Variants in PLPP4 observed in about 807,000 individuals in gnomAD.
PLPP4 encodes the protein phospholipid phosphatase 4, also known as diacylglycerol pyrophosphate like 2.
A neutral mutation model predicts 32.2 loss-of-function variants in PLPP4; 20 were observed. The ratio of observed to expected loss-of-function variants is 0.62; its 90% CI spans 0.44 to 0.90. The LOEUF (loss-of-function observed/expected upper bound fraction) is 0.90, where lower values mean the gene tolerates loss of function less well. PLPP4 is among the 40% of genes least tolerant of loss of function. The pLI is 0.00. For missense variants in PLPP4, 257 were observed against 353.1 expected (o/e 0.73, Z 2.18); for synonymous variants, 127 against 133.0 (o/e 0.95, Z 0.31).
intron 1 of PLPP4, among the ~76,000 whole-genome samples, chr10:120,501,409 AAAATGATAATAG>A (rs1212587465): frequency 3.3e-5 from 5 of 152,240 alleles, no homozygotes; most frequent in African/African-American, 1.2e-4. Flanking sequence ...AGGCTAGAGT[AAAATGATAATAG>A]TAATACAATT....
chr10:120,544,884 A>G (rs1241028408), intron 5 of PLPP4, among the ~76,000 whole-genome samples: 1 of 152,224 alleles, frequency 6.6e-6, no homozygotes, highest in Non-Finnish European at 1.5e-5. Context: ...AGGGAATAGG[A>G]TGATGCCCAG....
At chr10:120,541,437 A>G (rs1847334884) in intron 5 of PLPP4, among the ~76,000 whole-genome samples, 1 of 152,210 alleles carries the variant, frequency 6.6e-6, no homozygotes, top group Non-Finnish European at 1.5e-5. Context: ...ACAGGTACCT[A>G]CTGGAATGCA....
chr10:120,507,398 A>G (rs1176752829), intron 2 of PLPP4, among the ~76,000 whole-genome samples: 1 of 146,862 alleles, frequency 6.8e-6, no homozygotes, highest in Admixed American at 7.0e-5. Flanking sequence ...TATCATCATC[A>G]TCATCAACAA....
At chr10:120,559,241 ATTAG>A (rs1848306037) in intron 5 of PLPP4, among the ~76,000 whole-genome samples, 1 of 150,736 alleles carries the variant, frequency 6.6e-6, no homozygotes, top group African/African-American at 2.4e-5. Context: ...TATTATGGAT[ATTAG>A]TTCTTTGTTG....
chr10:120,463,544 T>C (rs796075842), intron 1 of PLPP4, among the ~76,000 whole-genome samples: 21 of 152,336 alleles, frequency 1.4e-4, no homozygotes, highest in African/African-American at 5.1e-4. Context: ...TAAGTGCCTG[T>C]GGTACATATA....
At chr10:120,565,564 ATTC>A (rs974286292) in intron 5 of PLPP4, among the ~76,000 whole-genome samples, 4 of 151,862 alleles carry the variant, frequency 2.6e-5, no homozygotes, top group Non-Finnish European at 5.9e-5. Context: ...CTTTGTAGGT[ATTC>A]TTTTCTTCCT....
At chr10:120,546,595 C>G (rs1738488072) in intron 5 of PLPP4, among the ~76,000 whole-genome samples, 1 of 152,178 alleles carries the variant, frequency 6.6e-6, no homozygotes, top group Non-Finnish European at 1.5e-5. Flanking sequence ...CCAGTCAGTC[C>G]CAAGTCCTCA....
At chr10:120,516,808 G>A (rs567233233) in intron 3 of PLPP4, among the ~76,000 whole-genome samples, 9 of 152,302 alleles carry the variant, frequency 5.9e-5, no homozygotes, top group Admixed American at 5.2e-4. Context: ...TCTGATCCCA[G>A]CACAGCCTTC....
At chr10:120,523,462 C>G (rs1802854106) in intron 5 of PLPP4, among the ~76,000 whole-genome samples, 2 of 152,228 alleles carry the variant, frequency 1.3e-5, no homozygotes, top group African/African-American at 4.8e-5. Flanking sequence ...CTTGTAGTTA[C>G]CAGCTGGAGG....
intron 1 of PLPP4, among the ~76,000 whole-genome samples, chr10:120,475,941 G>C (rs1843882465): frequency 6.6e-6 from 1 of 152,176 alleles, no homozygotes; most frequent in Non-Finnish European, 1.5e-5. Context: ...TTAAGATAAT[G>C]TCTGAAATCA....
At chr10:120,473,616 C>T (rs1843759748) in intron 1 of PLPP4, among the ~76,000 whole-genome samples, 1 of 152,138 alleles carries the variant, frequency 6.6e-6, no homozygotes, top group Non-Finnish European at 1.5e-5. Flanking sequence ...TGCATCCCCA[C>T]CCAAATCTCA....
At position 120,457,260 on chromosome 10, in the gene PLPP4, C is replaced by A. The variant is rs536823556; in HGVS notation, c.-46C>A. 11 of 1,424,162 alleles carry A rather than the reference C, an allele frequency of 7.7e-6. No homozygotes were observed. In the South Asian group the frequency reaches 1.6e-4, roughly 21 times the overall value. The allele number at this position is 1,424,162 out of a possible 1,614,324, so 88.2% of individuals were successfully genotyped here. ...CCGGCGCCGGCCGAGCTGCGGGAGC[C>A]GCGGAGAGCACCAGCTGACGCCGCG... On this transcript the variant is annotated 5_prime_UTR_variant, in exon 1 of 7. Coordinates refer to ENST00000398250, the MANE Select transcript of PLPP4 (RefSeq NM_001030059.3).
At chr10:120,528,518 GA>G (rs1846536020) in intron 5 of PLPP4, among the ~76,000 whole-genome samples, 1 of 152,222 alleles carries the variant, frequency 6.6e-6, no homozygotes, top group Non-Finnish European at 1.5e-5. Context: ...AAAGCTCCCA[GA>G]TTCACTGATA....
intron 1 of PLPP4, among the ~76,000 whole-genome samples, chr10:120,491,429 A>G (rs191148104): frequency 1.3e-3 from 193 of 152,304 alleles, no homozygotes; most frequent in African/African-American, 4.5e-3. Flanking sequence ...AAGGTGACTC[A>G]TTTTGTGACT....
intron 5 of PLPP4, among the ~76,000 whole-genome samples, chr10:120,554,852 C>A (rs1440680048): frequency 6.6e-6 from 1 of 152,122 alleles, no homozygotes; most frequent in Non-Finnish European, 1.5e-5. Flanking sequence ...ATGACCAAAT[C>A]ACCTCCCACC....
Position 120,511,975 on chromosome 10 carries a change from T to A in PLPP4, c.166-1936T>A, listed in dbSNP as rs935459983. Among the ~76,000 whole-genome samples the A allele has an allele frequency of 6.6e-5, 10 of 151,988 alleles. 1 individual carries two copies. The highest frequency in any genetic ancestry group is 2.4e-4 in the African/African-American group (10 of 41,374). ...CGGGCGTGGTGGCGGGCGCCTGTAG[T>A]CCCAGCTATTTGGGAGGCTGAGGCA... On this transcript the variant is annotated intron_variant, in intron 2 of 6. Transcript: ENST00000398250.
chr10:120,524,761 C>A (rs1379507790), intron 5 of PLPP4, among the ~76,000 whole-genome samples: 1 of 152,138 alleles, frequency 6.6e-6, no homozygotes, highest in Non-Finnish European at 1.5e-5. Context: ...TTTCAAAGAG[C>A]AAGTGATTTT....
chr10:120,587,695 A>G (rs1849825517), intron 6 of PLPP4, among the ~76,000 whole-genome samples: 2 of 152,254 alleles, frequency 1.3e-5, no homozygotes, highest in South Asian at 4.1e-4. Flanking sequence ...AAAGACTGAT[A>G]GGTGCAATGC....
At chr10:120,459,941 C>G (rs1419854242) in intron 1 of PLPP4, among the ~76,000 whole-genome samples, 1 of 152,148 alleles carries the variant, frequency 6.6e-6, no homozygotes, top group Non-Finnish European at 1.5e-5. Flanking sequence ...CTTACTGACT[C>G]TTAAAGATCC....
Sources: allele counts gnomAD v4.1 joint callset (sites outside exome capture counted in the v4.1 genomes callset), GRCh38; gene constraint gnomAD v4.1.1; transcripts MANE v1.5; gene names NCBI Gene and HGNC (gene_info 2026-07-23, HGNC 2026-07-21).